Variants in PLPP4 observed in about 807,000 individuals in gnomAD.
PLPP4 encodes the protein diacylglycerol pyrophosphate like 2.
A neutral mutation model predicts 32.2 loss-of-function variants in PLPP4; 20 were observed. The observed-to-expected ratio is 0.62, with a 90% CI of 0.44 to 0.90. PLPP4 has a LOEUF of 0.90. PLPP4 is among the 40% of genes least tolerant of loss of function. The pLI, the probability that PLPP4 is intolerant of heterozygous loss-of-function variation, is 0.00. For missense variants in PLPP4, 257 were observed against 353.1 expected, an observed-to-expected ratio of 0.73 and a Z score of 2.18; for synonymous variants, 127 against 133.0, an observed-to-expected ratio of 0.95 and a Z score of 0.31.
rs148939237 is a variant in PLPP4, at chr10:120,494,230, C to T, written c.57-9588C>T. Among the ~76,000 whole-genome samples, 405 of 152,290 alleles carry T rather than the reference C, an allele frequency of 2.7e-3. 3 individuals carry two copies. Among genetic ancestry groups the T allele is most frequent in the Non-Finnish European group, 3.9e-3 (265 of 68,018 alleles). ...AAATTTAACACCCTTATTATTCATT[C>T]ACTATGTGTACTCATCCTCATAAGC... On this transcript the variant is annotated intron_variant, in intron 1 of 6. Transcript: ENST00000398250.
chr10:120,507,219 A>T (rs1217562298), intron 2 of PLPP4, among the ~76,000 whole-genome samples: 2 of 152,124 alleles, frequency 1.3e-5, no homozygotes, highest in African/African-American at 2.4e-5. Flanking sequence ...GAGAAGTCCA[A>T]TGAGACTTGG....
At chr10:120,552,833 A>G (rs537086797) in intron 5 of PLPP4, among the ~76,000 whole-genome samples, 2 of 152,316 alleles carry the variant, frequency 1.3e-5, no homozygotes, top group Admixed American at 1.3e-4. Flanking sequence ...TGATTTACAC[A>G]ACTCTTCAAA....
chr10:120,460,032 G>A (rs1008776992), intron 1 of PLPP4, among the ~76,000 whole-genome samples: 18 of 152,096 alleles, frequency 1.2e-4, no homozygotes, highest in African/African-American at 2.7e-4. Context: ...AGGCACCCCC[G>A]CTCCCGCAAC....
chr10:120,575,091 A>C (rs1328401638), intron 5 of PLPP4, 40 bp from the exon 6 acceptor site: 2 of 1,590,500 alleles, frequency 1.3e-6, no homozygotes, highest in African/African-American at 1.3e-5. Context: ...CCTGCCACTC[A>C]CCACCTGCTA....
intron 5 of PLPP4, among the ~76,000 whole-genome samples, chr10:120,524,245 C>T (rs745550902): frequency 6.6e-5 from 10 of 152,114 alleles, no homozygotes; most frequent in Middle Eastern, 3.4e-3. Context: ...GAAAAAACAC[C>T]GATGCTGTTT....
chr10:120,525,618 A>G (rs540407474), intron 5 of PLPP4, among the ~76,000 whole-genome samples: 33 of 152,310 alleles, frequency 2.2e-4, no homozygotes, highest in Non-Finnish European at 4.6e-4. Context: ...AATTCCAATC[A>G]GGGGACAGGG....
At chr10:120,544,274 G>A (rs775321854) in intron 5 of PLPP4, among the ~76,000 whole-genome samples, 4 of 152,234 alleles carry the variant, frequency 2.6e-5, no homozygotes, top group African/African-American at 4.8e-5. Context: ...TGTTATTTTC[G>A]GTTTTAATTT....
intron 5 of PLPP4, among the ~76,000 whole-genome samples, chr10:120,523,079 C>T (rs188395914): frequency 3.9e-5 from 6 of 152,200 alleles, no homozygotes; most frequent in Admixed American, 3.9e-4. Flanking sequence ...GGGTGGATCA[C>T]GAGGTCAGGA....
intron 5 of PLPP4, among the ~76,000 whole-genome samples, chr10:120,546,166 T>G (rs1847608389): frequency 6.6e-6 from 1 of 152,156 alleles, no homozygotes. Context: ...CAGATGGCCT[T>G]TTGTGGGACA....
chr10:120,504,055 C>A, intron 2 of PLPP4, 129 bp downstream of exon 2: 1 of 651,266 alleles, frequency 1.5e-6, no homozygotes, highest in Non-Finnish European at 2.7e-6. Flanking sequence ...AGCAGCCCAT[C>A]AAATTAAAAT....
At chr10:120,552,616 G>A (rs1406107223) in intron 5 of PLPP4, among the ~76,000 whole-genome samples, 1 of 152,154 alleles carries the variant, frequency 6.6e-6, no homozygotes, top group Non-Finnish European at 1.5e-5. Flanking sequence ...AAGCAATCTG[G>A]CTGGTGGGTG....
intron 1 of PLPP4, among the ~76,000 whole-genome samples, chr10:120,472,220 A>G (rs1028508969): frequency 2.6e-5 from 4 of 152,060 alleles, no homozygotes; most frequent in Non-Finnish European, 5.9e-5. Flanking sequence ...TTGGGATTAT[A>G]TCCTTTTAGC....
chr10:120,492,617 G>T (rs932593514), intron 1 of PLPP4, among the ~76,000 whole-genome samples: 3 of 152,174 alleles, frequency 2.0e-5, no homozygotes, highest in African/African-American at 7.2e-5. Flanking sequence ...GCTCGGAGGG[G>T]ACATATGCCT....
rs138278948 is a variant in PLPP4, at chr10:120,556,016, G to C, written c.446-19115G>C. 2.6e-5 allele frequency among the ~76,000 whole-genome samples: 4 copies of C among 152,262 alleles called. No individual in the cohort carries two copies. In the East Asian group the frequency reaches 7.7e-4, roughly 29 times the overall value. On this transcript the variant is annotated intron_variant, in intron 5 of 6. Transcript: ENST00000398250. ...GCAGGACTGCCCCCCTCTGCTTTCT[G>C]TCTTAGCTAAAGTGGTAAGGCCTGT...
intron 3 of PLPP4, among the ~76,000 whole-genome samples, chr10:120,517,875 T>G (rs999612987): frequency 1.9e-4 from 29 of 152,256 alleles, no homozygotes; most frequent in African/African-American, 6.8e-4. Flanking sequence ...ATGCCCCCAT[T>G]CACTGCTATA....
At chr10:120,539,676 A>C (rs1175372204) in intron 5 of PLPP4, among the ~76,000 whole-genome samples, 1 of 152,086 alleles carries the variant, frequency 6.6e-6, no homozygotes, top group Non-Finnish European at 1.5e-5. Context: ...TCAGAAGGTA[A>C]AAGTTATTTG....
intron 3 of PLPP4, among the ~76,000 whole-genome samples, chr10:120,517,445 G>T (rs1390024637): frequency 6.6e-6 from 1 of 152,180 alleles, no homozygotes; most frequent in East Asian, 1.9e-4. Context: ...AGGAAGGAAG[G>T]ATCTGTGTGT....
chr10:120,586,659 T>C (rs1423648040), intron 6 of PLPP4, among the ~76,000 whole-genome samples: 1 of 152,228 alleles, frequency 6.6e-6, no homozygotes, highest in East Asian at 1.9e-4. Context: ...AGTTACTATG[T>C]ATCCATTTCC....
intron 1 of PLPP4, among the ~76,000 whole-genome samples, chr10:120,478,960 C>T (rs545761291): frequency 3.3e-5 from 5 of 152,358 alleles, no homozygotes; most frequent in South Asian, 2.1e-4. Flanking sequence ...GGCGCAGTGG[C>T]TCACGCCTGT....
Sources: allele counts gnomAD v4.1 joint callset (sites outside exome capture counted in the v4.1 genomes callset), GRCh38; gene constraint gnomAD v4.1.1; transcripts MANE v1.5; gene names NCBI Gene and HGNC (gene_info 2026-07-23, HGNC 2026-07-21).